The following TRMT9B variants were observed in gnomAD, a reference collection of about 807,000 sequenced individuals.
The protein encoded by TRMT9B is tRNA methyltransferase 9B (putative), also known as probable tRNA methyltransferase 9B.
In TRMT9B, 16 loss-of-function variants were observed where a neutral mutation model predicts 11.5. That is an observed-to-expected ratio of 1.39 (90% CI 0.94 to 2.11). The LOEUF is 2.11. Among genes scored for constraint, TRMT9B ranks in the 30% most tolerant of loss-of-function variants. TRMT9B has a pLI of 0.00. For synonymous variants in TRMT9B, 274 were observed against 192.4 expected (o/e 1.42, Z -3.51); for missense variants, 941 against 553.8 (o/e 1.70, Z -7.02).
At chr8:12,968,745 G>T (rs979181454) in intron 1 of TRMT9B, among the ~76,000 whole-genome samples, 2 of 152,188 alleles carry the variant, frequency 1.3e-5, no homozygotes, top group African/African-American at 4.8e-5. Flanking sequence ...CTCACAGGAG[G>T]TGTAGTCCTG....
intron 4 of TRMT9B, among the ~76,000 whole-genome samples, chr8:13,013,385 A>C (rs934805546): frequency 6.6e-6 from 1 of 152,094 alleles, no homozygotes; most frequent in Non-Finnish European, 1.5e-5. Flanking sequence ...CACTCTGCTC[A>C]TTTGCTGCCA....
At chr8:12,960,749 T>C (rs191588635) in intron 1 of TRMT9B, among the ~76,000 whole-genome samples, 36 of 152,278 alleles carry the variant, frequency 2.4e-4, no homozygotes, top group African/African-American at 7.9e-4. Context: ...AATTGACATA[T>C]GCAAAGGCAA....
intron 1 of TRMT9B, among the ~76,000 whole-genome samples, chr8:12,965,590 G>A (rs1361384522): frequency 6.6e-6 from 1 of 151,830 alleles, no homozygotes; most frequent in East Asian, 1.9e-4. Flanking sequence ...TTTTTGATAG[G>A]ATCCCAAAAG....
intron 1 of TRMT9B, among the ~76,000 whole-genome samples, chr8:12,975,115 G>A (rs1804240298): frequency 6.6e-6 from 1 of 151,910 alleles, no homozygotes; most frequent in Non-Finnish European, 1.5e-5. Context: ...TTACAGGAGA[G>A]AAGCTGTTAA....
intron 1 of TRMT9B, among the ~76,000 whole-genome samples, chr8:12,971,649 A>G (rs1261733609): frequency 6.6e-6 from 1 of 152,204 alleles, no homozygotes; most frequent in African/African-American, 2.4e-5. Context: ...CAGTACTGAC[A>G]AAAATTAGCA....
chr8:12,989,392 T>A (rs1806927386), intron 1 of TRMT9B, among the ~76,000 whole-genome samples: 1 of 152,174 alleles, frequency 6.6e-6, no homozygotes, highest in South Asian at 2.1e-4. Flanking sequence ...AGAGGCAAAT[T>A]TGGATCCTAA....
intron 4 of TRMT9B, among the ~76,000 whole-genome samples, chr8:13,017,045 A>G (rs956488452): frequency 4.0e-5 from 6 of 148,216 alleles, no homozygotes; most frequent in Non-Finnish European, 3.0e-5. Context: ...AATTGCTTGA[A>G]CCCAGGAGGC....
At position 13,022,273 on chromosome 8, in the gene TRMT9B, T is replaced by C; in HGVS notation, c.*229T>C. 2 of 448,578 alleles carry C rather than the reference T, an allele frequency of 4.5e-6. No homozygotes were observed. The highest frequency in any genetic ancestry group is 9.8e-5 in the South Asian group (2 of 20,474). The allele number at this position is 448,578 out of a possible 1,614,324, so 27.8% of individuals were successfully genotyped here. ...TGTGCTTAAATGTTAATATACAAGA[T>C]CTGAAGAAGCAACAGAAAGTACCCT... On this transcript the variant is annotated 3_prime_UTR_variant, in exon 5 of 5. Coordinates refer to ENST00000524591, the MANE Select transcript of TRMT9B (RefSeq NM_020844.3).
chr8:12,996,834 G>A (rs566246691), intron 2 of TRMT9B, among the ~76,000 whole-genome samples: 3 of 152,020 alleles, frequency 2.0e-5, no homozygotes, highest in Admixed American at 6.6e-5. Context: ...CAGCACCCCA[G>A]GACCACCTCC....
intron 1 of TRMT9B, among the ~76,000 whole-genome samples, chr8:12,950,018 A>T (rs1296412879): frequency 6.6e-6 from 1 of 152,012 alleles, no homozygotes; most frequent in Non-Finnish European, 1.5e-5. Flanking sequence ...ACGCCCAGCT[A>T]ATGTTTTGTA....
chr8:12,969,309 G>T (rs1348335034), intron 1 of TRMT9B, among the ~76,000 whole-genome samples: 1 of 152,050 alleles, frequency 6.6e-6, no homozygotes. Flanking sequence ...GCTACCTTTG[G>T]GCTCACAGAG....
In TRMT9B at chr8:13,014,214, T is replaced by G. The variant is rs1812198721; in HGVS notation, c.328+1357T>G. On this transcript the variant is annotated intron_variant, in intron 4 of 4. Coordinates refer to ENST00000524591, the MANE Select transcript of TRMT9B (RefSeq NM_020844.3). ...TATGGAAACTTGCTCTCTGATAGTC[T>G]CATTTGCAGTTGAAACTGTTAGATC... 1.3e-5 allele frequency among the ~76,000 whole-genome samples: 2 copies of G among 152,356 alleles called. 1 individual carries two copies. Among genetic ancestry groups the G allele is most frequent in the Admixed American group, 1.3e-4 (2 of 15,310 alleles).
Position 13,024,465 on chromosome 8 carries a change from T to C in TRMT9B, c.*2421T>C, listed in dbSNP as rs1215302566. Reference sequence around the variant, plus strand: ...CTCGGGCTTGACGGCCTTTGAATTATGAATGGATTGTTCCTCTCTCTGAAG... The same window carrying C: ...CTCGGGCTTGACGGCCTTTGAATTACGAATGGATTGTTCCTCTCTCTGAAG... On this transcript the variant is annotated 3_prime_UTR_variant, in exon 5 of 5. Coordinates refer to ENST00000524591, the MANE Select transcript of TRMT9B (RefSeq NM_020844.3). 1.2e-5 allele frequency: 2 copies of C among 167,156 alleles called. No homozygotes were observed. The highest frequency in any genetic ancestry group is 4.8e-5 in the African/African-American group (2 of 41,470). The allele number at this position is 167,156 out of a possible 1,614,324, so 10.4% of individuals were successfully genotyped here.
At chr8:13,013,056 C>T (rs1811951728) in intron 4 of TRMT9B, among the ~76,000 whole-genome samples, 199 bp downstream of exon 4, 2 of 152,198 alleles carry the variant, frequency 1.3e-5, no homozygotes, top group Admixed American at 1.3e-4. Flanking sequence ...ATTGTTTTAA[C>T]TATTTAAACC....
chr8:13,012,504 G>A (rs1218085611), intron 3 of TRMT9B, 180 bp from the exon 4 acceptor site: 1 of 757,280 alleles, frequency 1.3e-6, no homozygotes, highest in Non-Finnish European at 1.9e-6. Flanking sequence ...GAACCCGTGA[G>A]GCAGAGGTTG....
chr8:12,976,097 G>A (rs550447212), intron 1 of TRMT9B, among the ~76,000 whole-genome samples: 2 of 152,280 alleles, frequency 1.3e-5, no homozygotes, highest in East Asian at 3.9e-4. Context: ...TGTGCCCCAG[G>A]GAAGCTCCAC....
At chr8:12,994,296 A>G (rs1199043654) in intron 2 of TRMT9B, among the ~76,000 whole-genome samples, 2 of 152,206 alleles carry the variant, frequency 1.3e-5, no homozygotes, top group East Asian at 3.8e-4. Flanking sequence ...TTTCACTGCT[A>G]CCTCTGATGG....
In TRMT9B at chr8:12,952,747, TTTG is replaced by T. The variant is rs1316606656; in HGVS notation, c.-200+6790_-200+6792del. On this transcript the variant is annotated intron_variant, in intron 1 of 4. Coordinates refer to ENST00000524591, the MANE Select transcript of TRMT9B (RefSeq NM_020844.3). ...ATTACTTGCTATGTGTGGGGTTTTTTTTGTTGTTGTTTGACGGAGTCTCTCTCT... is the reference window on the plus strand; with the variant it reads ...ATTACTTGCTATGTGTGGGGTTTTTTTTGTTGTTTGACGGAGTCTCTCTCT... 1.8e-5 allele frequency: 17 copies of T among 923,530 alleles called. 1 individual carries two copies. Among genetic ancestry groups the T allele is most frequent in the Middle Eastern group, 1.1e-3 (2 of 1,836 alleles). The allele number at this position is 923,530 out of a possible 1,614,324, so 57.2% of individuals were successfully genotyped here.
intron 4 of TRMT9B, among the ~76,000 whole-genome samples, chr8:13,018,016 C>A (rs1813074479): frequency 6.6e-6 from 1 of 150,624 alleles, no homozygotes; most frequent in African/African-American, 2.4e-5. Context: ...GACTGATATT[C>A]CTGGGTGAAA....
Sources: allele counts gnomAD v4.1 joint callset (sites outside exome capture counted in the v4.1 genomes callset), GRCh38; gene constraint gnomAD v4.1.1; transcripts MANE v1.5; gene names NCBI Gene and HGNC (gene_info 2026-07-23, HGNC 2026-07-21).